The following OPCML variants were observed in gnomAD, a reference collection of about 807,000 sequenced individuals.
The protein encoded by OPCML is opioid-binding protein/cell adhesion molecule.
Under a neutral mutation model 37.8 loss-of-function variants are expected in OPCML, and 13 were observed. That is an observed-to-expected ratio of 0.34 (90% CI 0.22 to 0.55). OPCML has a LOEUF of 0.55. Ranked by LOEUF, OPCML falls within the 20% of genes least tolerant of loss-of-function variation. OPCML has a pLI of 0.91. For missense variants in OPCML, 341 were observed against 435.6 expected (o/e 0.78, Z 1.93); for synonymous variants, 176 against 168.8 (o/e 1.04, Z -0.33).
At chr11:133,134,482 G>A (rs769178418) in intron 1 of OPCML, among the ~76,000 whole-genome samples, 20 of 151,656 alleles carry the variant, frequency 1.3e-4, no homozygotes, top group Non-Finnish European at 2.4e-4. Context: ...TTAGGTGGGT[G>A]AGTGAGCTGC....
At chr11:132,761,754 T>C (rs1306051226) in intron 2 of OPCML, among the ~76,000 whole-genome samples, 2 of 152,172 alleles carry the variant, frequency 1.3e-5, no homozygotes, top group Non-Finnish European at 2.9e-5. Context: ...GGTTAGAACA[T>C]GCTCCTTTAG....
chr11:132,669,625 C>T (rs1463948422), intron 2 of OPCML, among the ~76,000 whole-genome samples: 1 of 152,190 alleles, frequency 6.6e-6, no homozygotes, highest in Non-Finnish European at 1.5e-5. Context: ...GGCTTTGGAA[C>T]ACCTTTATGT....
chr11:133,455,370 ATTCTAC>A (rs1946653802), intron 1 of OPCML, among the ~76,000 whole-genome samples: 1 of 152,170 alleles, frequency 6.6e-6, no homozygotes. Flanking sequence ...ATTCCCACAT[ATTCTAC>A]TTCTGAGTTA....
intron 1 of OPCML, among the ~76,000 whole-genome samples, chr11:133,015,829 C>A (rs1370345697): frequency 6.6e-6 from 1 of 152,182 alleles, no homozygotes; most frequent in Non-Finnish European, 1.5e-5. Context: ...GCCCTTGCTC[C>A]TGCTGTTTCC....
intron 3 of OPCML, among the ~76,000 whole-genome samples, chr11:132,560,818 G>T (rs2096408979): frequency 6.6e-6 from 1 of 152,082 alleles, no homozygotes. Flanking sequence ...GTTGTTAGTT[G>T]TTTGTCAGAT....
intron 4 of OPCML, among the ~76,000 whole-genome samples, chr11:132,482,755 C>G (rs1352866333): frequency 6.6e-6 from 1 of 152,044 alleles, no homozygotes; most frequent in Non-Finnish European, 1.5e-5. Flanking sequence ...GGATGCAAGG[C>G]TGGTTCAATA....
intron 1 of OPCML, among the ~76,000 whole-genome samples, chr11:133,125,567 T>A (rs1565459545): frequency 2.7e-5 from 4 of 147,930 alleles, no homozygotes; most frequent in South Asian, 4.2e-4. Flanking sequence ...TATATATATA[T>A]AAAAAATATA....
chr11:132,438,315 G>T (rs753288662), intron 4 of OPCML, among the ~76,000 whole-genome samples: 2 of 152,220 alleles, frequency 1.3e-5, no homozygotes, highest in African/African-American at 2.4e-5. Flanking sequence ...TAAAGCCCAA[G>T]GATAAGGCAC....
chr11:133,221,130 A>G (rs1170951887), intron 1 of OPCML, among the ~76,000 whole-genome samples: 1 of 152,198 alleles, frequency 6.6e-6, no homozygotes, highest in Non-Finnish European at 1.5e-5. Flanking sequence ...AAAGTCTATT[A>G]GCACTTTTGA....
At chr11:132,558,416 CCCT>C (rs1236633487) in intron 3 of OPCML, among the ~76,000 whole-genome samples, 3 of 53,266 alleles carry the variant, frequency 5.6e-5, no homozygotes, top group Middle Eastern at 0.012. Flanking sequence ...TCCCCTTCTC[CCCT>C]CCTCCTCCTC....
chr11:132,577,081 T>A (rs1002698982), intron 3 of OPCML, among the ~76,000 whole-genome samples: 19 of 152,140 alleles, frequency 1.2e-4, no homozygotes, highest in Non-Finnish European at 2.6e-4. Flanking sequence ...AGTGAGAGAG[T>A]GTCCTGAATC....
chr11:133,510,903 G>A (rs199794098), intron 1 of OPCML, among the ~76,000 whole-genome samples: 9,834 of 147,518 alleles, frequency 0.067, 1,074 homozygotes, highest in African/African-American at 0.23. Flanking sequence ...ACACACACAC[G>A]CACACACACA....
At chr11:132,763,341 T>C (rs1298611560) in intron 2 of OPCML, among the ~76,000 whole-genome samples, 3 of 152,190 alleles carry the variant, frequency 2.0e-5, no homozygotes, top group Non-Finnish European at 4.4e-5. Flanking sequence ...TTCATTTTAG[T>C]AATAGTACTA....
intron 1 of OPCML, among the ~76,000 whole-genome samples, chr11:133,219,163 G>A (rs777082276): frequency 1.3e-5 from 2 of 152,126 alleles, no homozygotes; most frequent in African/African-American, 2.4e-5. Context: ...GAAGAAACAC[G>A]GCTTCTCTCA....
rs59843718 is a variant in OPCML, at chr11:133,314,232, C to CAAAAAA, written c.61+218026_61+218031dup. Among the ~76,000 whole-genome samples, 2 of 49,750 alleles carry CAAAAAA rather than the reference C, an allele frequency of 4.0e-5. 1 individual carries two copies. Among genetic ancestry groups the CAAAAAA allele is most frequent in the African/African-American group, 1.5e-4 (2 of 13,230 alleles). 32.6% of individuals were successfully genotyped at this position (49,750 alleles called of 152,430 possible). On this transcript the variant is annotated intron_variant, in intron 1 of 7. Coordinates refer to ENST00000524381, the MANE Select transcript of OPCML (RefSeq NM_001012393.5). ...CCTGGGCTACAGCGAGACTCCGTCT[C>CAAAAAA]AAAAAAAAAAAAAAAAAAAAAAAAA...
rs754191960 is a variant in OPCML at position 132,420,240 on chromosome 11, G to A, written c.970C>T (p.Leu324Phe). Residue 324 changes from leucine (L) to phenylalanine (F), a missense_variant, in exon 8 of 8, where the codon CTC becomes TTC. By Grantham distance (22) the Leu-to-Phe change is conservative. Coordinates refer to ENST00000524381, the MANE Select transcript of OPCML (RefSeq NM_001012393.5). ...VNSASRALAC[L>F]WLSGTLLAHF... ...GCTAAGAGGGTCCCTGATAGCCAGA[G>A]ACAAGCCAGTGCTCTGGAGGCCGAG... is the stretch of plus-strand genomic sequence containing the variant. 6.2e-7 allele frequency: 1 copy of A among 1,613,950 alleles called. No homozygotes were observed. Among genetic ancestry groups the A allele is most frequent in the Non-Finnish European group, 8.5e-7 (1 of 1,179,868 alleles).
chr11:132,769,460 A>G (rs1365876656), intron 2 of OPCML, among the ~76,000 whole-genome samples: 1 of 151,732 alleles, frequency 6.6e-6, no homozygotes, highest in Admixed American at 6.6e-5. Flanking sequence ...AACCACACTC[A>G]CTCAACAAGA....
chr11:132,932,680 TTA>T (rs1555054535), intron 2 of OPCML, among the ~76,000 whole-genome samples: 1 of 128,758 alleles, frequency 7.8e-6, no homozygotes, highest in East Asian at 2.2e-4. Context: ...GTGAATTCAG[TTA>T]TATATATATT....
chr11:132,601,028 C>T (rs1216866793), intron 3 of OPCML, among the ~76,000 whole-genome samples: 1 of 151,388 alleles, frequency 6.6e-6, no homozygotes, highest in African/African-American at 2.4e-5. Flanking sequence ...TTTTCGATTG[C>T]CAATGTATAA....
Sources: gnomAD v4.1 joint callset for allele counts (sites outside exome capture counted in the v4.1 genomes callset) on GRCh38, gnomAD v4.1.1 for gene constraint, MANE v1.5 for transcripts, NCBI Gene and HGNC (gene_info 2026-07-23, HGNC 2026-07-21) for gene names.